The following UBR4 variants were observed in gnomAD, a reference collection of about 807,000 sequenced individuals.
The protein encoded by UBR4 is ubiquitin protein ligase E3 component n-recognin 4.
In UBR4, 124 loss-of-function variants were observed where a neutral mutation model predicts 575.6. The observed-to-expected ratio is 0.22, with a 90% CI of 0.19 to 0.25. UBR4 has a LOEUF of 0.25. Among genes scored for constraint, UBR4 ranks in the 10% least tolerant of loss-of-function variants. The pLI is 1.00. For missense variants in UBR4, 4,818 were observed against 6,478.8 expected (o/e 0.74, Z 8.80); for synonymous variants, 2,455 against 2,473.7 (o/e 0.99, Z 0.22).
In UBR4 at chr1:19,177,619, G is replaced by A. The variant is rs367704688; in HGVS notation, c.2479C>T (p.Arg827Trp). The A allele has an allele frequency of 1.3e-5, 21 of 1,613,894 alleles. No individual in the cohort carries two copies. Among genetic ancestry groups the A allele is most frequent in the African/African-American group, 5.3e-5 (4 of 74,878 alleles). ...TGGACAAAAAGCGACAATATGGCCC[G>A]CCGGCCTGTCTCGGTGAAATTGTGG... ...IFHNFTETGR[R>W]AILSLFVQII... is the part of the protein sequence containing the mutation. Residue 827 changes from arginine to tryptophan, a missense_variant, in exon 19 of 106, where the codon CGG becomes TGG. Around this residue, in one of 29 missense-constraint regions of UBR4, gnomAD observed 1,172 missense variants for 1,259.7 expected, o/e 0.93. Transcript: ENST00000375254.
Position 19,106,685 on chromosome 1 carries a change from G to A in UBR4, c.12277C>T (p.Arg4093Cys), listed in dbSNP as rs1036461081. 2.5e-6 allele frequency: 4 copies of A among 1,608,528 alleles called. No individual in the cohort carries two copies. The highest frequency in any genetic ancestry group is 1.3e-5 in the African/African-American group (1 of 74,790). The change falls in exon 83 of 106, where the codon CGC becomes TGC. Residue 4093 changes from arginine (R) to cysteine (C), a missense_variant. Around this residue, in one of 29 missense-constraint regions of UBR4, gnomAD observed 178 missense variants for 175.5 expected, o/e 1.01. Transcript: ENST00000375254. Reference protein sequence around the residue: ...NGKAPSKSELRHLYLTEKYVW... With the variant: ...NGKAPSKSELCHLYLTEKYVW... Reference sequence around the variant, plus strand: ...TACTTCTCAGTCAAATAGAGATGGCGGAGCTCTGATTTGCTGGGGGCTTTC... The same window carrying A: ...TACTTCTCAGTCAAATAGAGATGGCAGAGCTCTGATTTGCTGGGGGCTTTC...
At chr1:19,191,359 T>C (rs1309006247) in intron 11 of UBR4, among the ~76,000 whole-genome samples, 1 of 152,076 alleles carries the variant, frequency 6.6e-6, no homozygotes, top group Non-Finnish European at 1.5e-5. Context: ...TAATCCCAGC[T>C]ACTTGGGAGG....
At chr1:19,180,214 A>T (rs1289231920) in intron 17 of UBR4, among the ~76,000 whole-genome samples, 1 of 151,792 alleles carries the variant, frequency 6.6e-6, no homozygotes, top group Non-Finnish European at 1.5e-5. Flanking sequence ...TTTGAGATAG[A>T]GTCTCACTCC....
In UBR4 at chr1:19,104,700, T is replaced by C. The variant is rs2079000117; in HGVS notation, c.12646-34A>G. On this transcript the variant is annotated intron_variant, in intron 85 of 105. Transcript: ENST00000375254. ...GATGACAAGTGCAGTCAGTGTGATA[T>C]CACTGCCAAGGATACCAGTTACCTC... 3 of 1,605,800 alleles carry C rather than the reference T, an allele frequency of 1.9e-6. No individual in the cohort carries two copies. The South Asian group carries it at 3.3e-5, about 18-fold the overall frequency.
chr1:19,208,115 G>A (rs1418626179), intron 1 of UBR4, among the ~76,000 whole-genome samples: 2 of 152,202 alleles, frequency 1.3e-5, no homozygotes, highest in Non-Finnish European at 2.9e-5. Context: ...CACACAGCCT[G>A]CAGAGGACAC....
chr1:19,104,381 C>G, intron 86 of UBR4, 124 bp from the exon 87 acceptor site: 1 of 1,295,090 alleles, frequency 7.7e-7, no homozygotes, highest in Non-Finnish European at 1.1e-6. Flanking sequence ...TGGCACAGAG[C>G]AGGTGTTCAA....
intron 20 of UBR4, among the ~76,000 whole-genome samples, chr1:19,175,274 T>C (rs1385293456): frequency 1.3e-5 from 2 of 148,350 alleles, no homozygotes; most frequent in Non-Finnish European, 3.0e-5. Context: ...CAACCAAAAA[T>C]ATCTAGACAT....
At chr1:19,086,071 T>G in intron 101 of UBR4, 74 bp downstream of exon 101, 2 of 1,559,974 alleles carry the variant, frequency 1.3e-6, no homozygotes, top group Non-Finnish European at 8.7e-7. Flanking sequence ...ACCAGGGGAT[T>G]GGGCTGATAG....
At position 19,122,968 on chromosome 1, in the gene UBR4, G is replaced by A; in HGVS notation, c.9681C>T (p.Leu3227=). 2 of 1,614,232 alleles carry A rather than the reference G, an allele frequency of 1.2e-6. No individual in the cohort carries two copies. Residue 3227 remains leucine (L), a synonymous_variant, in exon 66 of 106, where the codon CTC becomes CTT. Transcript: ENST00000375254. ...ICGSKEKYRQ[L]RDLHTLDSHV... ...GAGAGTCCAGGGTGTGCAAATCCCG[G>A]AGCTGGCGGTACTTCTCTTTGGATC...
chr1:19,095,438 G>T (rs1235606159), intron 93 of UBR4, 107 bp downstream of exon 93: 2 of 1,068,114 alleles, frequency 1.9e-6, no homozygotes, highest in Non-Finnish European at 2.8e-6. Context: ...GAGATGAAGG[G>T]CTTGAAGAAG....
chr1:19,174,183 C>T, intron 22 of UBR4, 136 bp downstream of exon 22: 1 of 1,196,424 alleles, frequency 8.4e-7, no homozygotes, highest in Non-Finnish European at 1.1e-6. Flanking sequence ...CACAAACTAC[C>T]TAGAAATACT....
chr1:19,120,466 T>C, intron 68 of UBR4, 118 bp from the exon 69 acceptor site: 6 of 1,286,362 alleles, frequency 4.7e-6, no homozygotes, highest in Non-Finnish European at 6.4e-6. Context: ...AAGTTTCTAC[T>C]GAATGCTGAT....
chr1:19,115,850 T>C (rs2080459871), intron 73 of UBR4, among the ~76,000 whole-genome samples: 1 of 152,204 alleles, frequency 6.6e-6, no homozygotes, highest in Non-Finnish European at 1.5e-5. Flanking sequence ...TACAAGTGCT[T>C]TAAGCTGTTA....
At chr1:19,103,580 A>T (rs78553415) in intron 87 of UBR4, among the ~76,000 whole-genome samples, 1 of 152,224 alleles carries the variant, frequency 6.6e-6, no homozygotes, top group Admixed American at 6.5e-5. Flanking sequence ...AATGAAAAAT[A>T]AAAAAGAGAC....
rs1033220334 is a variant in UBR4, at chr1:19,179,153, G to C, written c.2252C>G (p.Pro751Arg). Residue 751 changes from proline (P) to arginine (R), a missense_variant, in exon 18 of 106, where the codon CCT becomes CGT. By Grantham distance (103) the Pro-to-Arg change is moderately radical (BLOSUM62 -2). Coordinates refer to ENST00000375254, the MANE Select transcript of UBR4 (RefSeq NM_020765.3). ...SEGPWPLYIH[P>R]QSLSVLSRLL... ...GCGTGAAAGCACAGAGAGGCTTTGA[G>C]GGTGAATGTACAAGGGCCAAGGGCC... 6.2e-6 allele frequency: 10 copies of C among 1,613,468 alleles called. No homozygotes were observed. Among genetic ancestry groups the C allele is most frequent in the Non-Finnish European group, 8.5e-6 (10 of 1,179,864 alleles).
At chr1:19,163,711 G>A in intron 34 of UBR4, 53 bp downstream of exon 34, 1 of 1,581,766 alleles carries the variant, frequency 6.3e-7, no homozygotes, top group Non-Finnish European at 8.7e-7. Context: ...TGACCACAGA[G>A]GTGAGAATCA....
chr1:19,088,702 C>T lies in UBR4; in HGVS notation c.14430+57G>A. ...GGCCAACCCCAGGGCTGTCCCATGG[C>T]CACCTCCTCATCAACAGTGTGGGCA... On this transcript the variant is annotated intron_variant, in intron 98 of 105. Coordinates refer to ENST00000375254, the MANE Select transcript of UBR4 (RefSeq NM_020765.3). The surrounding 1 kb of genome is among the most constrained non-coding windows in gnomAD (Gnocchi z 4.0). 2.5e-6 allele frequency: 4 copies of T among 1,584,714 alleles called. No homozygotes were observed. Among genetic ancestry groups the T allele is most frequent in the Non-Finnish European group, 3.5e-6 (4 of 1,156,616 alleles).
rs773366644 is a variant in UBR4, at chr1:19,201,867, C to T, written c.177-52G>A. On this transcript the variant is annotated intron_variant, in intron 1 of 105. Coordinates refer to ENST00000375254, the MANE Select transcript of UBR4 (RefSeq NM_020765.3). ...GCATCTGCTTAGCGCTTACTATGTG[C>T]CAGATACCCCTTTATGGATATTACA... The T allele has an allele frequency of 4.1e-6, 6 of 1,468,390 alleles. No homozygotes were observed. The Admixed American group carries it at 8.5e-5, about 21-fold the overall frequency. 91.0% of individuals were successfully genotyped at this position (1,468,390 alleles called of 1,614,324 possible). A position where few individuals can be genotyped will look rare whatever the true frequency, so the allele number is the denominator to read the frequency against.
intron 51 of UBR4, 85 bp downstream of exon 51, chr1:19,147,908 G>A (rs918832346): frequency 1.3e-6 from 2 of 1,544,532 alleles, no homozygotes; most frequent in Non-Finnish European, 1.8e-6. Flanking sequence ...ACCTTACTTT[G>A]CTGTGCTGTT....
Sources: gnomAD v4.1 joint callset for allele counts (sites outside exome capture counted in the v4.1 genomes callset) on GRCh38, gnomAD v4.1.1 for gene constraint, gnomAD v4.1.1 regional missense constraint, Gnocchi (gnomAD v3.1) non-coding constraint, MANE v1.5 for transcripts, NCBI Gene and HGNC (gene_info 2026-07-23, HGNC 2026-07-21) for gene names.